ACTR3C: variants seen among roughly 807,000 people sequenced by gnomAD.
ACTR3C encodes actin related protein 3C, also known as actin-related protein 3C.
ACTR3C carries 18 observed loss-of-function variants against 26.3 expected under a neutral mutation model. The ratio of observed to expected loss-of-function variants is 0.68; its 90% CI spans 0.47 to 1.01. The LOEUF is 1.01. ACTR3C is among the 50% of genes least tolerant of loss of function. The pLI is 0.00. For synonymous variants in ACTR3C, 55 were observed against 94.5 expected (o/e 0.58, Z 2.42); for missense variants, 184 against 250.7 (o/e 0.73, Z 1.80).
the ACTR3C span, among the ~76,000 whole-genome samples, chr7:150,035,325 A>G: frequency 7.3e-5 from 4 of 54,500 alleles, 1 homozygote; most frequent in South Asian, 1.8e-3. Context: ...ACCAACAGCC[A>G]GGGGCGGAAG....
At chr7:149,987,266 G>A in the ACTR3C span, among the ~76,000 whole-genome samples, 36 of 152,160 alleles carry the variant, frequency 2.4e-4, no homozygotes, top group Admixed American at 1.4e-3. Context: ...TATTTTTAAA[G>A]ATTAGAAAAT....
chr7:150,260,738 G>A (rs561937680), intron 6 of ACTR3C, among the ~76,000 whole-genome samples: 7 of 152,274 alleles, frequency 4.6e-5, no homozygotes, highest in East Asian at 1.9e-4. Flanking sequence ...CCATCATTAC[G>A]CTGACATTGA....
the ACTR3C span, among the ~76,000 whole-genome samples, chr7:149,899,706 C>T: frequency 5.3e-5 from 8 of 150,452 alleles, no homozygotes; most frequent in Non-Finnish European, 7.4e-5. Context: ...AGAAAGAAGG[C>T]AGGACCAGAA....
chr7:150,035,983 C>T, the ACTR3C span, among the ~76,000 whole-genome samples: 7 of 133,726 alleles, frequency 5.2e-5, 1 homozygote, highest in Non-Finnish European at 1.1e-4. Flanking sequence ...GCTCTCAGTC[C>T]CTGCCTCGCG....
chr7:150,222,794 T>C, the ACTR3C span, among the ~76,000 whole-genome samples: 1 of 152,218 alleles, frequency 6.6e-6, no homozygotes, highest in Non-Finnish European at 1.5e-5. Flanking sequence ...TGATTTTATG[T>C]CACTTATGTG....
chr7:150,137,254 A>T, the ACTR3C span, among the ~76,000 whole-genome samples: 1 of 152,128 alleles, frequency 6.6e-6, no homozygotes, highest in Non-Finnish European at 1.5e-5. Context: ...TTTTCCAGCC[A>T]CCCTAGGAGT....
At chr7:150,152,373 C>A in the ACTR3C span, among the ~76,000 whole-genome samples, 2 of 152,050 alleles carry the variant, frequency 1.3e-5, no homozygotes, top group African/African-American at 4.8e-5. Context: ...TTGTCAAAGG[C>A]CTTTTCTGCA....
At chr7:150,307,694 G>C (rs1795907230) in intron 1 of ACTR3C, among the ~76,000 whole-genome samples, 1 of 152,110 alleles carries the variant, frequency 6.6e-6, no homozygotes, top group African/African-American at 2.4e-5. Flanking sequence ...TCACACAGAG[G>C]CGCTTGACAT....
chr7:150,266,722 T>C (rs1834069490), intron 6 of ACTR3C, among the ~76,000 whole-genome samples: 1 of 152,120 alleles, frequency 6.6e-6, no homozygotes, highest in Non-Finnish European at 1.5e-5. Context: ...TACTATTGAG[T>C]TGTCACTCAA....
chr7:150,213,634 G>A, the ACTR3C span, among the ~76,000 whole-genome samples: 3 of 152,128 alleles, frequency 2.0e-5, no homozygotes, highest in Non-Finnish European at 2.9e-5. Flanking sequence ...GCCCCAGGAG[G>A]GGGAAGTTCT....
the ACTR3C span, among the ~76,000 whole-genome samples, chr7:150,059,759 T>G: frequency 6.6e-6 from 1 of 152,226 alleles, no homozygotes. Flanking sequence ...TGAGCTGGCA[T>G]CATAAGAGCC....
At chr7:150,143,612 G>T in the ACTR3C span, among the ~76,000 whole-genome samples, 10,753 of 123,546 alleles carry the variant, frequency 0.087, no homozygotes, top group East Asian at 0.1. Flanking sequence ...GAGTATATCC[G>T]TCATGATTCC....
chr7:149,881,860 C>T, the ACTR3C span: 94,188 of 152,476 alleles, frequency 0.62, 29,673 homozygotes, highest in African/African-American at 0.72. Flanking sequence ...TGAGGTAACA[C>T]AGACCCCCAT....
chr7:150,279,755 T>C (rs532079365), intron 6 of ACTR3C, among the ~76,000 whole-genome samples: 2 of 152,360 alleles, frequency 1.3e-5, no homozygotes, highest in East Asian at 3.9e-4. Context: ...AAAGCCTTTC[T>C]TGATCCCCTC....
the ACTR3C span, among the ~76,000 whole-genome samples, chr7:149,911,419 T>C: frequency 4.0e-5 from 6 of 151,850 alleles, no homozygotes; most frequent in Admixed American, 3.3e-4. Context: ...TCCTTTCTCA[T>C]GGTTATATCT....
At position 150,298,289 on chromosome 7, in the gene ACTR3C, G is replaced by A. The variant is rs994182548; in HGVS notation, c.-51-2942C>T. On this transcript the variant is annotated intron_variant, in intron 1 of 7. Coordinates refer to ENST00000683684, the MANE Select transcript of ACTR3C (RefSeq NM_001164458.2). ...ACCAAGAACACACACCCAATACAAAGCAAAGAGAAAAATAAGTCTTCAGTT... is the reference window on the plus strand; with the variant it reads ...ACCAAGAACACACACCCAATACAAAACAAAGAGAAAAATAAGTCTTCAGTT... 5.3e-5 allele frequency among the ~76,000 whole-genome samples: 8 copies of A among 149,930 alleles called. 1 individual carries two copies. The highest frequency in any genetic ancestry group is 1.5e-4 in the African/African-American group (6 of 40,156).
intron 1 of ACTR3C, among the ~76,000 whole-genome samples, chr7:150,303,789 T>C: frequency 6.6e-6 from 1 of 152,242 alleles, no homozygotes; most frequent in East Asian, 1.9e-4. Flanking sequence ...TTTTTCTCTC[T>C]TTAAGACTAG....
chr7:150,144,195 A>G, the ACTR3C span, among the ~76,000 whole-genome samples: 1 of 152,140 alleles, frequency 6.6e-6, no homozygotes, highest in African/African-American at 2.4e-5. This position sits in a 1 kb window ranked among gnomAD's most constrained non-coding sequence, Gnocchi z 4.6. Context: ...GCAATGCACG[A>G]GGCCCTCAGA....
rs2530955 is a variant in ACTR3C, at chr7:150,265,993, G to A, written c.565-16939C>T. Among the ~76,000 whole-genome samples, 13 of 151,718 alleles carry A rather than the reference G, an allele frequency of 8.6e-5. No individual in the cohort carries two copies. In the East Asian group the frequency reaches 2.0e-3, roughly 23 times the overall value. On this transcript the variant is annotated intron_variant, in intron 6 of 7. Coordinates refer to ENST00000683684, the MANE Select transcript of ACTR3C (RefSeq NM_001164458.2). The stretch of plus-strand genomic sequence containing the variant: ...ACTTCATAAACTTAACATTAATACA[G>A]AACTTTAATCTGCTGTTCCTATTCC...
Sources: gnomAD v4.1 joint callset for allele counts (sites outside exome capture counted in the v4.1 genomes callset) on GRCh38, gnomAD v4.1.1 for gene constraint, Gnocchi (gnomAD v3.1) non-coding constraint, MANE v1.5 for transcripts, NCBI Gene and HGNC (gene_info 2026-07-23, HGNC 2026-07-21) for gene names.